The following TMEFF1 variants were observed in gnomAD, a reference collection of about 807,000 sequenced individuals.
The protein encoded by TMEFF1 is transmembrane protein with EGF like and two follistatin like domains 1.
In TMEFF1, 20 loss-of-function variants were observed where a neutral mutation model predicts 47.5. That is an observed-to-expected ratio of 0.42 (90% CI 0.30 to 0.61). The LOEUF is 0.61. Ranked by LOEUF, TMEFF1 falls within the 20% of genes least tolerant of loss-of-function variation. TMEFF1 has a pLI of 0.19. For missense variants in TMEFF1, 411 were observed against 471.1 expected (o/e 0.87, Z 1.18); for synonymous variants, 162 against 166.3 (o/e 0.97, Z 0.20).
In TMEFF1 at chr9:100,498,699, G is replaced by A. The variant is rs539001815; in HGVS notation, c.197-66G>A. 2.8e-4 allele frequency: 394 copies of A among 1,400,014 alleles called. 5 individuals carry two copies. The South Asian group carries it at 4.2e-3, about 15-fold the overall frequency. The allele number at this position is 1,400,014 out of a possible 1,614,324, so 86.7% of individuals were successfully genotyped here. A position where few individuals can be genotyped will look rare whatever the true frequency, so the allele number is the denominator to read the frequency against. On this transcript the variant is annotated intron_variant, in intron 1 of 9. Transcript: ENST00000374879. Reference sequence around the variant, plus strand: ...GACTTTTTCATACACACACACACACGCGCACAGACACACACACGTAATAAA... The same window carrying A: ...GACTTTTTCATACACACACACACACACGCACAGACACACACACGTAATAAA...
chr9:100,562,382 C>G (rs572825837), intron 8 of TMEFF1, among the ~76,000 whole-genome samples: 2 of 151,978 alleles, frequency 1.3e-5, no homozygotes, highest in African/African-American at 2.4e-5. Flanking sequence ...AATCCAGTCT[C>G]TTGGGTCCTT....
At chr9:100,533,947 G>A (rs915460722) in intron 5 of TMEFF1, among the ~76,000 whole-genome samples, 79 of 152,276 alleles carry the variant, frequency 5.2e-4, no homozygotes, top group African/African-American at 1.6e-3. Context: ...TTGATCTCCT[G>A]ACCTCATGAT....
intron 5 of TMEFF1, among the ~76,000 whole-genome samples, chr9:100,527,004 G>A (rs571269937): frequency 1.6e-4 from 24 of 148,800 alleles, no homozygotes; most frequent in African/African-American, 2.5e-4. Context: ...TTAGCCGGGC[G>A]TGGTGGCACA....
chr9:100,501,008 A>G (rs1013694978), intron 2 of TMEFF1, among the ~76,000 whole-genome samples: 13 of 152,168 alleles, frequency 8.5e-5, no homozygotes, highest in Non-Finnish European at 1.3e-4. Flanking sequence ...CTCTGAGTTT[A>G]TACGCGGAAA....
chr9:100,509,896 C>A (rs1837931861), intron 3 of TMEFF1, among the ~76,000 whole-genome samples: 1 of 151,840 alleles, frequency 6.6e-6, no homozygotes, highest in South Asian at 2.1e-4. Context: ...TTTACTTCAT[C>A]TTTTTTTTCC....
chr9:100,566,385 A>G (rs1232894070), intron 8 of TMEFF1, among the ~76,000 whole-genome samples: 1 of 152,218 alleles, frequency 6.6e-6, no homozygotes, highest in Non-Finnish European at 1.5e-5. Flanking sequence ...CAACAGGACC[A>G]AAGCTGATCT....
Position 100,516,674 on chromosome 9 carries a change from G to A in TMEFF1, c.464-1G>A. ...TAAATTTGATTTTTCTTTTTAAACAGAAGAGGAAGGGTCAGGGGCAGAAGT... is the reference window on the plus strand; with the variant it reads ...TAAATTTGATTTTTCTTTTTAAACAAAAGAGGAAGGGTCAGGGGCAGAAGT... On this transcript the variant is annotated splice_acceptor_variant, in intron 4 of 9. Transcript: ENST00000374879. LOFTEE classifies it high-confidence loss of function. The A allele has an allele frequency of 6.2e-7, 1 of 1,610,702 alleles. No individual in the cohort carries two copies. Among genetic ancestry groups the A allele is most frequent in the Non-Finnish European group, 8.5e-7 (1 of 1,178,966 alleles).
At chr9:100,535,005 C>T (rs1177665829) in intron 5 of TMEFF1, among the ~76,000 whole-genome samples, 2 of 152,156 alleles carry the variant, frequency 1.3e-5, no homozygotes, top group Non-Finnish European at 2.9e-5. Context: ...GTGGTCTTCA[C>T]CATACCTAAC....
At chr9:100,527,712 G>C (rs1024460994) in intron 5 of TMEFF1, among the ~76,000 whole-genome samples, 27 of 152,210 alleles carry the variant, frequency 1.8e-4, no homozygotes, top group Non-Finnish European at 3.2e-4. Context: ...AAAGCAGCCG[G>C]GAAGCTCGAA....
At chr9:100,547,671 G>T in intron 5 of TMEFF1, 73 bp from the exon 6 acceptor site, 1 of 1,359,060 alleles carries the variant, frequency 7.4e-7, no homozygotes, top group Non-Finnish European at 9.6e-7. Context: ...GAAAGAATTG[G>T]TCTTTTTTGC....
intron 5 of TMEFF1, among the ~76,000 whole-genome samples, chr9:100,535,049 G>C (rs773016176): frequency 6.6e-6 from 1 of 152,098 alleles, no homozygotes; most frequent in Middle Eastern, 3.2e-3. Flanking sequence ...TTTAGCTTCT[G>C]GGTGTGCAAA....
chr9:100,564,634 G>T (rs1839087809), intron 8 of TMEFF1, among the ~76,000 whole-genome samples: 1 of 152,194 alleles, frequency 6.6e-6, no homozygotes, highest in African/African-American at 2.4e-5. Context: ...TGGAGGAAGG[G>T]TCAGGTCTTA....
intron 8 of TMEFF1, among the ~76,000 whole-genome samples, chr9:100,562,418 A>AT (rs1163142894): frequency 1.3e-5 from 2 of 151,914 alleles, no homozygotes; most frequent in Admixed American, 1.3e-4. Flanking sequence ...CCTGCTCCTG[A>AT]TTTTTTTCAC....
intron 8 of TMEFF1, among the ~76,000 whole-genome samples, chr9:100,566,202 G>A (rs1363551720): frequency 6.6e-6 from 1 of 152,050 alleles, no homozygotes; most frequent in East Asian, 1.9e-4. Context: ...TAGTGTACCC[G>A]GGTTCAGTCC....
intron 4 of TMEFF1, among the ~76,000 whole-genome samples, chr9:100,514,859 G>T (rs551815003): frequency 2.4e-4 from 37 of 152,226 alleles, no homozygotes; most frequent in African/African-American, 7.5e-4. Context: ...GCCAGGCGTG[G>T]TGGTGGGCGC....
chr9:100,540,783 A>G (rs908534221), intron 5 of TMEFF1, among the ~76,000 whole-genome samples: 2 of 152,214 alleles, frequency 1.3e-5, no homozygotes, highest in African/African-American at 4.8e-5. Flanking sequence ...TGTGGATGGT[A>G]TCTCATTGTG....
At chr9:100,493,597 A>G (rs992017182) in intron 1 of TMEFF1, among the ~76,000 whole-genome samples, 2 of 152,198 alleles carry the variant, frequency 1.3e-5, no homozygotes, top group Admixed American at 1.3e-4. Flanking sequence ...CAACAAGAGC[A>G]AAATATTTTG....
At chr9:100,516,175 AT>A (rs903799073) in intron 4 of TMEFF1, among the ~76,000 whole-genome samples, 13 of 151,694 alleles carry the variant, frequency 8.6e-5, no homozygotes, top group Admixed American at 7.2e-4. Context: ...GGAGATAAGT[AT>A]TTTTTTTTAA....
intron 8 of TMEFF1, among the ~76,000 whole-genome samples, chr9:100,570,878 A>G (rs1205600058): frequency 6.6e-6 from 1 of 152,056 alleles, no homozygotes; most frequent in Non-Finnish European, 1.5e-5. Flanking sequence ...TTATACTTCA[A>G]ATGTTTTATT....
Sources: gnomAD v4.1 joint callset for allele counts (sites outside exome capture counted in the v4.1 genomes callset) on GRCh38, gnomAD v4.1.1 for gene constraint, MANE v1.5 for transcripts, NCBI Gene and HGNC (gene_info 2026-07-23, HGNC 2026-07-21) for gene names.